The following SGCD variants were observed in gnomAD, a reference collection of about 807,000 sequenced individuals.
The protein encoded by SGCD is sarcoglycan delta.
A neutral mutation model predicts 36.6 loss-of-function variants in SGCD; 18 were observed. The ratio of observed to expected loss-of-function variants is 0.49; its 90% CI spans 0.34 to 0.73. The LOEUF (loss-of-function observed/expected upper bound fraction) is 0.73, where lower values mean the gene tolerates loss of function less well. Among genes scored for constraint, SGCD ranks in the 30% least tolerant of loss-of-function variants. The probability of loss-of-function intolerance (pLI) is 0.01; values close to 1 mark genes in which losing one functional copy is unlikely to be tolerated. For missense variants in SGCD, 387 were observed against 346.7 expected (o/e 1.12, Z -0.92); for synonymous variants, 133 against 130.6 (o/e 1.02, Z -0.12).
At position 156,346,451 on chromosome 5, in the gene SGCD, A is replaced by G. The variant is rs77472048; in HGVS notation, c.192+1774A>G. Among the ~76,000 whole-genome samples the G allele has an allele frequency of 5.1e-4, 78 of 152,190 alleles. 2 individuals carry two copies. The East Asian group carries it at 0.014, about 27-fold the overall frequency. On this transcript the variant is annotated intron_variant, in intron 3 of 8. Transcript: ENST00000337851. ...GTAGATAGAACTAGAGACACACACC[A>G]TCATGCTTGACTAATTTTTAAATTG...
intron 3 of SGCD, among the ~76,000 whole-genome samples, chr5:156,376,589 A>G (rs543552179): frequency 1.3e-5 from 2 of 152,318 alleles, no homozygotes; most frequent in African/African-American, 2.4e-5. Context: ...CCATTTACAA[A>G]TGGAGCAGCT....
At chr5:155,824,372 C>T in the SGCD span, among the ~76,000 whole-genome samples, 1 of 152,094 alleles carries the variant, frequency 6.6e-6, no homozygotes, top group Admixed American at 6.5e-5. Flanking sequence ...AAGGGTTAAG[C>T]ACTCAATAAA....
At chr5:156,108,097 GT>G (rs905849278) in intron 1 of SGCD, among the ~76,000 whole-genome samples, 2 of 152,086 alleles carry the variant, frequency 1.3e-5, no homozygotes, top group Non-Finnish European at 2.9e-5. Flanking sequence ...CCATTTAAGA[GT>G]TTCTGTTGCA....
At chr5:156,269,503 A>C (rs1277264183) in intron 3 of SGCD, among the ~76,000 whole-genome samples, 17 of 147,322 alleles carry the variant, frequency 1.2e-4, no homozygotes, top group African/African-American at 3.3e-4. Flanking sequence ...AAAAAAAAAA[A>C]AAAAAAACCA....
intron 6 of SGCD, among the ~76,000 whole-genome samples, chr5:156,616,212 C>T (rs906996836): frequency 1.7e-4 from 26 of 152,158 alleles, no homozygotes; most frequent in African/African-American, 6.3e-4. Context: ...AATATAAATA[C>T]AACGATGGCC....
At chr5:155,839,814 C>T in the SGCD span, among the ~76,000 whole-genome samples, 1 of 152,142 alleles carries the variant, frequency 6.6e-6, no homozygotes, top group African/African-American at 2.4e-5. Context: ...CTTGAATAAA[C>T]AGCTGAAGTC....
chr5:156,158,327 T>G (rs149398629), intron 3 of SGCD, among the ~76,000 whole-genome samples: 4 of 151,838 alleles, frequency 2.6e-5, no homozygotes, highest in Non-Finnish European at 5.9e-5. Flanking sequence ...AACTTTTTTC[T>G]GTGAAGTCAA....
chr5:155,975,299 A>G (rs140172425), intron 1 of SGCD, among the ~76,000 whole-genome samples: 1 of 152,232 alleles, frequency 6.6e-6, no homozygotes, highest in African/African-American at 2.4e-5. Context: ...TGCCTAACAC[A>G]ATGGTTCTCA....
intron 1 of SGCD, among the ~76,000 whole-genome samples, chr5:155,913,751 G>T (rs1407091950): frequency 6.6e-6 from 1 of 152,132 alleles, no homozygotes; most frequent in African/African-American, 2.4e-5. Context: ...AAAAAAAATA[G>T]ATCTAAAATT....
chr5:156,092,243 C>G (rs1205572660), intron 1 of SGCD, among the ~76,000 whole-genome samples: 1 of 152,208 alleles, frequency 6.6e-6, no homozygotes, highest in Non-Finnish European at 1.5e-5. Context: ...TTCTCTGGAG[C>G]TTTGATGGCC....
At chr5:156,095,574 A>G (rs1359706285) in intron 1 of SGCD, among the ~76,000 whole-genome samples, 2 of 152,196 alleles carry the variant, frequency 1.3e-5, no homozygotes, top group African/African-American at 4.8e-5. Context: ...TATGAGAGGT[A>G]CTTTGGGACT....
chr5:156,019,053 T>A (rs1163697313), intron 1 of SGCD, among the ~76,000 whole-genome samples: 6 of 152,220 alleles, frequency 3.9e-5, no homozygotes, highest in African/African-American at 1.4e-4. Flanking sequence ...CAAAATTAAC[T>A]ATATATTAAT....
chr5:156,336,247 T>C (rs1177507764), intron 2 of SGCD, among the ~76,000 whole-genome samples: 1 of 152,214 alleles, frequency 6.6e-6, no homozygotes, highest in Non-Finnish European at 1.5e-5. Flanking sequence ...TTTCCCCAGA[T>C]ATCCTCATGC....
chr5:156,628,208 A>G (rs1358614343), intron 6 of SGCD, among the ~76,000 whole-genome samples: 2 of 152,132 alleles, frequency 1.3e-5, no homozygotes, highest in Non-Finnish European at 2.9e-5. Context: ...GGGGGAAAAT[A>G]CTAAAACATT....
At chr5:156,006,127 T>C (rs560143362) in intron 1 of SGCD, among the ~76,000 whole-genome samples, 2 of 152,344 alleles carry the variant, frequency 1.3e-5, no homozygotes, top group Admixed American at 1.3e-4. Context: ...AAACATTCAA[T>C]CATTGTGAGC....
chr5:156,465,616 T>C (rs1042350046), intron 3 of SGCD, among the ~76,000 whole-genome samples: 1 of 152,186 alleles, frequency 6.6e-6, no homozygotes, highest in African/African-American at 2.4e-5. Context: ...CTCTCTTTCA[T>C]CCCACTTGGC....
chr5:155,829,168 C>T, the SGCD span, among the ~76,000 whole-genome samples: 1 of 152,116 alleles, frequency 6.6e-6, no homozygotes, highest in Middle Eastern at 3.4e-3. Flanking sequence ...TCTAAGGAGA[C>T]AAAAATTTCC....
chr5:155,800,773 T>A, the SGCD span, among the ~76,000 whole-genome samples: 2 of 152,154 alleles, frequency 1.3e-5, no homozygotes, highest in African/African-American at 4.8e-5. Context: ...TTGTCTTTTC[T>A]CCATTTGTTC....
chr5:155,989,895 T>C (rs866678242), intron 1 of SGCD, among the ~76,000 whole-genome samples: 1 of 152,218 alleles, frequency 6.6e-6, no homozygotes, highest in Non-Finnish European at 1.5e-5. Flanking sequence ...GAAGAACTAG[T>C]TCGACTTATA....
Sources: gnomAD v4.1 joint callset for allele counts (sites outside exome capture counted in the v4.1 genomes callset) on GRCh38, gnomAD v4.1.1 for gene constraint, MANE v1.5 for transcripts, NCBI Gene and HGNC (gene_info 2026-07-23, HGNC 2026-07-21) for gene names.